Variants in ST8SIA4 observed in about 807,000 individuals in gnomAD.
The protein encoded by ST8SIA4 is ST8 alpha-N-acetyl-neuraminide alpha-2,8-sialyltransferase 4, also known as CMP-N-acetylneuraminate-poly-alpha-2,8-sialyltransferase.
In ST8SIA4, 15 loss-of-function variants were observed where a neutral mutation model predicts 33.9. That is an observed-to-expected ratio of 0.44 (90% CI 0.30 to 0.68). The LOEUF is 0.68. Ranked by LOEUF, ST8SIA4 falls within the 30% of genes least tolerant of loss-of-function variation. The pLI, the probability that ST8SIA4 is intolerant of heterozygous loss-of-function variation, is 0.10. For synonymous variants in ST8SIA4, 171 were observed against 151.2 expected (o/e 1.13, Z -0.96); for missense variants, 321 against 428.0 (o/e 0.75, Z 2.21).
intron 3 of ST8SIA4, among the ~76,000 whole-genome samples, chr5:100,879,775 G>A (rs1409982986): frequency 6.6e-6 from 1 of 152,140 alleles, no homozygotes; most frequent in African/African-American, 2.4e-5. Context: ...TTGGTGAGAT[G>A]GTGGGCTAAA....
chr5:100,851,617 T>C (rs1751699839), intron 4 of ST8SIA4, among the ~76,000 whole-genome samples: 1 of 152,006 alleles, frequency 6.6e-6, no homozygotes, highest in Admixed American at 6.5e-5. Flanking sequence ...AATAAAAACA[T>C]ATTTAGGTTT....
At chr5:100,821,219 G>A (rs1049747091) in intron 4 of ST8SIA4, among the ~76,000 whole-genome samples, 8 of 152,000 alleles carry the variant, frequency 5.3e-5, no homozygotes, top group African/African-American at 1.9e-4. Context: ...TCATTTATCA[G>A]AGGACATGGA....
At chr5:100,847,650 A>T (rs1451038775) in intron 4 of ST8SIA4, among the ~76,000 whole-genome samples, 1 of 152,138 alleles carries the variant, frequency 6.6e-6, no homozygotes, top group Admixed American at 6.6e-5. Context: ...ACCATAAAAA[A>T]TATTCTACCA....
intron 4 of ST8SIA4, among the ~76,000 whole-genome samples, chr5:100,831,192 A>G (rs912064468): frequency 4.6e-5 from 7 of 152,238 alleles, no homozygotes; most frequent in Middle Eastern, 6.8e-3. Context: ...TTCTCCATTG[A>G]CCACTTAATT....
chr5:100,823,109 A>C (rs752835976), intron 4 of ST8SIA4, among the ~76,000 whole-genome samples: 8 of 151,896 alleles, frequency 5.3e-5, no homozygotes, highest in Admixed American at 1.3e-4. Flanking sequence ...CCAGCCTGGG[A>C]GACAGAGTGA....
intron 4 of ST8SIA4, among the ~76,000 whole-genome samples, chr5:100,822,021 G>T (rs1342458771): frequency 1.3e-5 from 2 of 152,156 alleles, no homozygotes; most frequent in African/African-American, 2.4e-5. Context: ...GGCAGGCTTT[G>T]GGTTTTGAAT....
chr5:100,834,648 T>C (rs1162826068), intron 4 of ST8SIA4, among the ~76,000 whole-genome samples: 1 of 152,142 alleles, frequency 6.6e-6, no homozygotes, highest in Non-Finnish European at 1.5e-5. Flanking sequence ...TGAGAGGTGA[T>C]TGGATCATGT....
At chr5:100,860,040 T>C (rs1751902246) in intron 3 of ST8SIA4, among the ~76,000 whole-genome samples, 1 of 152,146 alleles carries the variant, frequency 6.6e-6, no homozygotes, top group African/African-American at 2.4e-5. Flanking sequence ...TATGTATCTG[T>C]GCTAGGTATA....
chr5:100,858,751 C>T (rs977447835), intron 3 of ST8SIA4, among the ~76,000 whole-genome samples: 1 of 151,976 alleles, frequency 6.6e-6, no homozygotes, highest in African/African-American at 2.4e-5. Flanking sequence ...TTAATGAATG[C>T]TAAATGAGTA....
At chr5:100,829,315 A>G (rs1340815834) in intron 4 of ST8SIA4, among the ~76,000 whole-genome samples, 1 of 152,204 alleles carries the variant, frequency 6.6e-6, no homozygotes, top group African/African-American at 2.4e-5. Context: ...TTGGTCTCTC[A>G]TGGATTAGAA....
chr5:100,860,766 A>C, intron 3 of ST8SIA4, among the ~76,000 whole-genome samples: 1 of 152,214 alleles, frequency 6.6e-6, no homozygotes, highest in East Asian at 1.9e-4. Context: ...GTTCATTCAG[A>C]AATGTGATAA....
intron 3 of ST8SIA4, among the ~76,000 whole-genome samples, chr5:100,871,403 C>T (rs1752195401): frequency 1.3e-5 from 2 of 152,004 alleles, no homozygotes; most frequent in African/African-American, 4.8e-5. Flanking sequence ...TACCATATTA[C>T]CTTAGTTTTC....
At chr5:100,852,456 TACA>T (rs1197768580) in intron 4 of ST8SIA4, among the ~76,000 whole-genome samples, 1 of 133,412 alleles carries the variant, frequency 7.5e-6, no homozygotes, top group African/African-American at 2.8e-5. Context: ...AAAAAAAAAA[TACA>T]AAATGTTAAT....
At chr5:100,838,670 T>C (rs1453963276) in intron 4 of ST8SIA4, among the ~76,000 whole-genome samples, 2 of 151,998 alleles carry the variant, frequency 1.3e-5, no homozygotes, top group Non-Finnish European at 2.9e-5. Flanking sequence ...AAGTATTTAT[T>C]TATCTATAAG....
intron 3 of ST8SIA4, among the ~76,000 whole-genome samples, chr5:100,868,129 G>C (rs1438393395): frequency 6.6e-6 from 1 of 151,956 alleles, no homozygotes; most frequent in Non-Finnish European, 1.5e-5. Flanking sequence ...ATTCTCAGCT[G>C]AGGTACCACC....
intron 3 of ST8SIA4, among the ~76,000 whole-genome samples, chr5:100,866,832 C>CT (rs1163804789): frequency 1.3e-5 from 2 of 151,894 alleles, no homozygotes; most frequent in Non-Finnish European, 2.9e-5. Flanking sequence ...TACACTCAAA[C>CT]TTTTTTTTAA....
intron 4 of ST8SIA4, among the ~76,000 whole-genome samples, chr5:100,820,928 T>C (rs1486566423): frequency 7.9e-5 from 12 of 152,122 alleles, no homozygotes; most frequent in Admixed American, 7.9e-4. Context: ...CCACAGATGT[T>C]AATGGCCTTT....
At chr5:100,878,405 G>A (rs943891328) in intron 3 of ST8SIA4, among the ~76,000 whole-genome samples, 5 of 152,016 alleles carry the variant, frequency 3.3e-5, no homozygotes, top group Admixed American at 6.6e-5. Context: ...TCGAACTCCC[G>A]ACCTCAGGTG....
intron 3 of ST8SIA4, among the ~76,000 whole-genome samples, chr5:100,870,646 T>A (rs918710702): frequency 6.6e-6 from 1 of 152,170 alleles, no homozygotes; most frequent in Non-Finnish European, 1.5e-5. Flanking sequence ...TTCCATTTTT[T>A]AAAATTTTTA....
Sources: gnomAD v4.1 joint callset for allele counts (sites outside exome capture counted in the v4.1 genomes callset) on GRCh38, gnomAD v4.1.1 for gene constraint, MANE v1.5 for transcripts, NCBI Gene and HGNC (gene_info 2026-07-23, HGNC 2026-07-21) for gene names.